The following GASK1A variants were observed in gnomAD, a reference collection of about 807,000 sequenced individuals.
The protein encoded by GASK1A is Golgi-associated kinase 1A.
In GASK1A, 40 loss-of-function variants were observed where a neutral mutation model predicts 41.2. That is an observed-to-expected ratio of 0.97 (90% CI 0.75 to 1.27). GASK1A has a LOEUF of 1.27. Ranked by LOEUF, GASK1A falls within the 50% of genes most tolerant of loss-of-function variation. The probability of loss-of-function intolerance (pLI) is 0.00; values close to 1 mark genes in which losing one functional copy is unlikely to be tolerated. For synonymous variants in GASK1A, 316 were observed against 307.1 expected (o/e 1.03, Z -0.30); for missense variants, 678 against 745.1 (o/e 0.91, Z 1.05).
intron 1 of GASK1A, among the ~76,000 whole-genome samples, chr3:43,004,977 C>T (rs200019643): frequency 6.6e-6 from 1 of 152,198 alleles, no homozygotes; most frequent in East Asian, 1.9e-4. Flanking sequence ...CCACCTCTAT[C>T]CTTTAGAGGC....
intron 1 of GASK1A, among the ~76,000 whole-genome samples, chr3:43,025,489 T>C (rs901262667): frequency 6.6e-5 from 10 of 152,182 alleles, no homozygotes; most frequent in Non-Finnish European, 1.3e-4. Context: ...CCTCCCTCTC[T>C]CCTTCACTCT....
intron 1 of GASK1A, among the ~76,000 whole-genome samples, chr3:42,997,334 C>T (rs2089380865): frequency 6.6e-6 from 1 of 152,076 alleles, no homozygotes; most frequent in African/African-American, 2.4e-5. Flanking sequence ...CCTCTGCTCC[C>T]TGCTCTTCGG....
chr3:42,998,041 G>A (rs2089386034), intron 1 of GASK1A, among the ~76,000 whole-genome samples: 2 of 152,196 alleles, frequency 1.3e-5, no homozygotes, highest in Non-Finnish European at 2.9e-5. Context: ...GTTGAGGGCT[G>A]CTCCTGGGGG....
chr3:43,040,506 C>G (rs1234305010), intron 2 of GASK1A, among the ~76,000 whole-genome samples: 1 of 151,920 alleles, frequency 6.6e-6, no homozygotes, highest in East Asian at 1.9e-4. Context: ...TTGGGATTTT[C>G]TTGAAATCAA....
At chr3:43,016,728 T>A (rs745612800) in intron 1 of GASK1A, among the ~76,000 whole-genome samples, 1 of 151,708 alleles carries the variant, frequency 6.6e-6, no homozygotes, top group Non-Finnish European at 1.5e-5. Context: ...GAAGTGGCTA[T>A]GTGAAGTCAC....
chr3:43,030,402 A>G (rs746863188), intron 1 of GASK1A, among the ~76,000 whole-genome samples: 2 of 152,236 alleles, frequency 1.3e-5, no homozygotes, highest in East Asian at 1.9e-4. Flanking sequence ...CACGACCCAC[A>G]GCTCAAGTGT....
chr3:43,026,100 A>G (rs1258653185), intron 1 of GASK1A, among the ~76,000 whole-genome samples: 1 of 152,176 alleles, frequency 6.6e-6, no homozygotes, highest in Admixed American at 6.5e-5. Context: ...CAGAATCACC[A>G]TCCCCCGCTT....
chr3:43,022,207 A>T (rs72869076), intron 1 of GASK1A, among the ~76,000 whole-genome samples: 15 of 152,208 alleles, frequency 9.9e-5, no homozygotes, highest in Admixed American at 3.3e-4. Flanking sequence ...TTCTCTTCAG[A>T]TGATGTTTTT....
At chr3:42,990,280 G>A (rs550193915) in intron 1 of GASK1A, among the ~76,000 whole-genome samples, 1 of 151,754 alleles carries the variant, frequency 6.6e-6, no homozygotes, top group African/African-American at 2.4e-5. Context: ...GGCCCAGGAG[G>A]TCGAGGGTGC....
intron 2 of GASK1A, among the ~76,000 whole-genome samples, chr3:43,035,601 G>A (rs1474163258): frequency 6.6e-6 from 1 of 152,184 alleles, no homozygotes; most frequent in Non-Finnish European, 1.5e-5. Context: ...TAGCACACAA[G>A]TAAACTGCTC....
intron 1 of GASK1A, among the ~76,000 whole-genome samples, chr3:42,988,006 A>AAAAAAAAAAAAT (rs1334543219): frequency 6.6e-6 from 1 of 151,364 alleles, no homozygotes; most frequent in Non-Finnish European, 1.5e-5. Context: ...CTCAAAAAAA[A>AAAAAAAAAAAAT]AAAGGGATGG....
chr3:43,051,005 C>A (rs2089686063), intron 2 of GASK1A, among the ~76,000 whole-genome samples: 1 of 152,082 alleles, frequency 6.6e-6, no homozygotes. Context: ...AATGTCTGGG[C>A]TTCCTCAGGA....
At chr3:43,053,242 G>A (rs560319876) in intron 2 of GASK1A, among the ~76,000 whole-genome samples, 1 of 152,240 alleles carries the variant, frequency 6.6e-6, no homozygotes, top group African/African-American at 2.4e-5. Flanking sequence ...TGCCAGGCTA[G>A]AGCTAAAGAG....
In GASK1A at chr3:43,033,354, G is replaced by A. The variant is rs1435100689; in HGVS notation, c.1091G>A (p.Gly364Glu). 1.4e-5 allele frequency: 22 copies of A among 1,551,374 alleles called. No individual in the cohort carries two copies. Among genetic ancestry groups the A allele is most frequent in the Middle Eastern group, 3.3e-4 (2 of 6,014 alleles). The change falls in exon 2 of 5, where the codon GGA (glycine) becomes GAA (glutamate). Residue 364 changes from glycine (G) to glutamate (E), a missense_variant. Gly to Glu is a moderately conservative substitution (Grantham distance 98). Coordinates refer to ENST00000430121, the MANE Select transcript of GASK1A (RefSeq NM_001129908.3). The part of the protein sequence containing the change: ...PLLPYRYTDG[G>E]ARPVIWWAPD... ...CTGCCCTACCGATACACAGACGGTG[G>A]AGCAAGGCCTGTCATCTGGTGGGCA...
chr3:43,047,358 G>A (rs2089669226), intron 2 of GASK1A, among the ~76,000 whole-genome samples: 1 of 152,188 alleles, frequency 6.6e-6, no homozygotes, highest in African/African-American at 2.4e-5. Flanking sequence ...GATTTAAAAT[G>A]AACTCTCTAA....
chr3:43,053,653 C>T lies in GASK1A; in HGVS notation c.1413+10C>T, dbSNP rs1235251253. 1.3e-6 allele frequency: 2 copies of T among 1,551,692 alleles called. No individual in the cohort carries two copies. The highest frequency in any genetic ancestry group is 2.0e-5 in the Admixed American group (1 of 51,014). On this transcript the variant is annotated intron_variant, in intron 3 of 4. Transcript: ENST00000430121. Reference sequence around the variant, plus strand: ...GCTGGTCCACATCCTGGTACGTCTCCTCCACACCATCCCCTTGTCACCCCA... The same window carrying T: ...GCTGGTCCACATCCTGGTACGTCTCTTCCACACCATCCCCTTGTCACCCCA...
Position 43,037,938 on chromosome 3 carries a change from GTT to G in GASK1A, c.1290+4389_1290+4390del, listed in dbSNP as rs1447853493. Among the ~76,000 whole-genome samples the G allele has an allele frequency of 3.3e-5, 5 of 152,196 alleles. No homozygotes were observed. In the East Asian group the frequency reaches 5.8e-4, roughly 18 times the overall value. On this transcript the variant is annotated intron_variant, in intron 2 of 4. Coordinates refer to ENST00000430121, the MANE Select transcript of GASK1A (RefSeq NM_001129908.3). ...ATGAAAGAAATAAGGAACAACCACA[GTT>G]TTTCTTTCTTAAATTTCATCACTGT...
At chr3:43,048,477 C>T (rs2089674026) in intron 2 of GASK1A, among the ~76,000 whole-genome samples, 1 of 152,044 alleles carries the variant, frequency 6.6e-6, no homozygotes, top group Non-Finnish European at 1.5e-5. Context: ...CCTAGGAAAC[C>T]TGGTGAGCAA....
At chr3:43,015,293 G>C (rs1400802499) in intron 1 of GASK1A, among the ~76,000 whole-genome samples, 1 of 150,520 alleles carries the variant, frequency 6.6e-6, no homozygotes, top group Non-Finnish European at 1.5e-5. Context: ...ACAGGAAGGG[G>C]CTGTGTGAAG....
Sources: allele counts gnomAD v4.1 joint callset (sites outside exome capture counted in the v4.1 genomes callset), GRCh38; gene constraint gnomAD v4.1.1; transcripts MANE v1.5; gene names NCBI Gene and HGNC (gene_info 2026-07-23, HGNC 2026-07-21).